The following EDIL3 variants were observed in gnomAD, a reference collection of about 807,000 sequenced individuals.
EDIL3 encodes EGF like and discoidin domains 3, also known as EGF-like repeat and discoidin I-like domain-containing protein 3.
A neutral mutation model predicts 67.4 loss-of-function variants in EDIL3; 37 were observed. The observed-to-expected ratio is 0.55, with a 90% CI of 0.42 to 0.72. The LOEUF (loss-of-function observed/expected upper bound fraction) is 0.72, where lower values mean the gene tolerates loss of function less well. EDIL3 is among the 30% of genes least tolerant of loss of function. EDIL3 has a pLI of 0.00. For missense variants in EDIL3, 527 were observed against 586.3 expected (o/e 0.90, Z 1.04); for synonymous variants, 195 against 196.3 (o/e 0.99, Z 0.05).
At chr5:84,073,954 A>C (rs949234636) in intron 6 of EDIL3, among the ~76,000 whole-genome samples, 12 of 151,390 alleles carry the variant, frequency 7.9e-5, no homozygotes, top group Admixed American at 1.3e-4. Flanking sequence ...ACTATACTAC[A>C]AGGCTACAGT....
Position 84,224,854 on chromosome 5 carries a change from T to A in EDIL3, c.226+5001A>T, listed in dbSNP as rs538831112. On this transcript the variant is annotated intron_variant, in intron 3 of 10. Coordinates refer to ENST00000296591, the MANE Select transcript of EDIL3 (RefSeq NM_005711.5). ...TAGTTTCCAAAAATTATTTGTGCAA[T>A]ATCAACATACTTAGATTAAATATAT... 4.6e-5 allele frequency among the ~76,000 whole-genome samples: 7 copies of A among 151,688 alleles called. No individual in the cohort carries two copies. In the South Asian group the frequency reaches 1.5e-3, roughly 31 times the overall value.
intron 1 of EDIL3, among the ~76,000 whole-genome samples, chr5:84,288,257 A>C (rs1008078647): frequency 6.6e-6 from 1 of 152,038 alleles, no homozygotes; most frequent in Non-Finnish European, 1.5e-5. Flanking sequence ...TTTAAAATAC[A>C]TCCAGAATGT....
intron 9 of EDIL3, among the ~76,000 whole-genome samples, chr5:84,043,579 A>G (rs1746170009): frequency 6.6e-6 from 1 of 152,260 alleles, no homozygotes; most frequent in African/African-American, 2.4e-5. Context: ...GATGTCAGCC[A>G]CAGGCAGCCA....
chr5:84,032,564 T>A (rs1450961840), intron 9 of EDIL3, among the ~76,000 whole-genome samples: 1 of 152,190 alleles, frequency 6.6e-6, no homozygotes, highest in Non-Finnish European at 1.5e-5. Context: ...TGCCTTAATT[T>A]ATGAGTCACA....
intron 5 of EDIL3, among the ~76,000 whole-genome samples, chr5:84,117,005 C>T (rs1747676126): frequency 6.9e-6 from 1 of 145,472 alleles, no homozygotes; most frequent in Admixed American, 7.0e-5. Context: ...TATGTAGTAT[C>T]CAAGTTAAGT....
chr5:83,952,476 T>A (rs955706318), intron 10 of EDIL3, among the ~76,000 whole-genome samples: 1 of 151,822 alleles, frequency 6.6e-6, no homozygotes, highest in Non-Finnish European at 1.5e-5. Context: ...ATAAGAAATA[T>A]TCCCACAGAA....
intron 2 of EDIL3, among the ~76,000 whole-genome samples, chr5:84,242,219 G>T (rs1430353841): frequency 6.6e-6 from 1 of 151,428 alleles, no homozygotes; most frequent in Middle Eastern, 3.4e-3. Flanking sequence ...GCGGCAGAGC[G>T]AGACTCTGTC....
chr5:84,128,636 G>C (rs1747909332), intron 5 of EDIL3, among the ~76,000 whole-genome samples: 1 of 152,056 alleles, frequency 6.6e-6, no homozygotes, highest in African/African-American at 2.4e-5. Context: ...GTGAGGGTTG[G>C]AGTGATAGCT....
At chr5:84,150,226 T>A (rs1748365626) in intron 4 of EDIL3, among the ~76,000 whole-genome samples, 1 of 152,132 alleles carries the variant, frequency 6.6e-6, no homozygotes, top group Non-Finnish European at 1.5e-5. Flanking sequence ...TAAAATACAC[T>A]TAGAACTACA....
chr5:84,072,342 TG>T (rs1580312208), intron 6 of EDIL3, among the ~76,000 whole-genome samples: 2 of 152,030 alleles, frequency 1.3e-5, no homozygotes, highest in East Asian at 3.9e-4. Flanking sequence ...GGAATGAATA[TG>T]GATTTTAAAC....
chr5:84,350,390 T>A (rs1409883466), intron 1 of EDIL3, among the ~76,000 whole-genome samples: 1 of 152,054 alleles, frequency 6.6e-6, no homozygotes, highest in Non-Finnish European at 1.5e-5. Flanking sequence ...TTGATATATC[T>A]AGTAGTCACT....
chr5:84,248,681 T>C (rs1744961491), intron 2 of EDIL3, among the ~76,000 whole-genome samples: 1 of 152,182 alleles, frequency 6.6e-6, no homozygotes. Flanking sequence ...ATCCTGTGTA[T>C]TGTCATTTAT....
At chr5:84,063,174 T>C (rs745652169) in intron 8 of EDIL3, among the ~76,000 whole-genome samples, 2 of 152,096 alleles carry the variant, frequency 1.3e-5, no homozygotes, top group African/African-American at 2.4e-5. Context: ...CTCTCATGAA[T>C]CAAAAGACTG....
intron 3 of EDIL3, chr5:84,197,045 C>T (rs768867145): frequency 6.6e-6 from 1 of 151,912 alleles, no homozygotes; most frequent in Non-Finnish European, 1.5e-5. Context: ...CAACAGGTCC[C>T]GCTTATTCTG....
At chr5:84,370,088 T>C (rs1261615595) in intron 1 of EDIL3, among the ~76,000 whole-genome samples, 1 of 152,204 alleles carries the variant, frequency 6.6e-6, no homozygotes, top group African/African-American at 2.4e-5. Flanking sequence ...CCTTTTTCCA[T>C]TCTATACCTT....
intron 1 of EDIL3, among the ~76,000 whole-genome samples, chr5:84,336,124 C>T (rs992700492): frequency 1.3e-5 from 2 of 152,144 alleles, no homozygotes; most frequent in South Asian, 2.1e-4. Flanking sequence ...ACATTCAGAG[C>T]ATAGCAGAGG....
At chr5:83,958,569 T>G (rs1349986739) in intron 10 of EDIL3, among the ~76,000 whole-genome samples, 1 of 151,518 alleles carries the variant, frequency 6.6e-6, no homozygotes, top group Non-Finnish European at 1.5e-5. Flanking sequence ...TATTACCAGC[T>G]TCTTTATTCC....
At chr5:84,173,138 C>T (rs1372471621) in intron 4 of EDIL3, among the ~76,000 whole-genome samples, 4 of 152,076 alleles carry the variant, frequency 2.6e-5, no homozygotes, top group Non-Finnish European at 5.9e-5. Context: ...CTGTGTGGGG[C>T]CTGGTAGCTG....
chr5:84,048,454 A>T (rs1042202999), intron 9 of EDIL3, among the ~76,000 whole-genome samples: 2 of 152,058 alleles, frequency 1.3e-5, no homozygotes, highest in Admixed American at 6.6e-5. Context: ...ATTGAAATGA[A>T]AATCTGTAGG....
Sources: allele counts gnomAD v4.1 joint callset (sites outside exome capture counted in the v4.1 genomes callset), GRCh38; gene constraint gnomAD v4.1.1; transcripts MANE v1.5; gene names NCBI Gene and HGNC (gene_info 2026-07-23, HGNC 2026-07-21).